Variants in RGS6 observed in about 807,000 individuals in gnomAD.
The protein encoded by RGS6 is regulator of G-protein signaling 6.
RGS6 carries 30 observed loss-of-function variants against 78.5 expected under a neutral mutation model. The ratio of observed to expected loss-of-function variants is 0.38; its 90% CI spans 0.29 to 0.52. The LOEUF (loss-of-function observed/expected upper bound fraction) is 0.52. RGS6 is among the 20% of genes least tolerant of loss of function. The pLI, the probability that RGS6 is intolerant of heterozygous loss-of-function variation, is 0.85. For missense variants in RGS6, 495 were observed against 609.7 expected (o/e 0.81, Z 1.98); for synonymous variants, 206 against 206.0 (o/e 1.00, Z 0.00).
chr14:71,870,664 C>T, the RGS6 span, among the ~76,000 whole-genome samples: 16 of 152,214 alleles, frequency 1.1e-4, no homozygotes, highest in African/African-American at 3.6e-4. Flanking sequence ...TGGTGCTCAA[C>T]TACTGTCACT....
rs147778900 is a variant in RGS6, at chr14:72,518,409, G to T, written c.1150G>T (p.Val384Leu). Reference protein sequence around the residue: ...KQPLQDVAKRVEEIWQEFLAP... With the variant: ...KQPLQDVAKRLEEIWQEFLAP... ...ACCCCTACAGGATGTGGCCAAGAGG[G>T]TAGAAGAAATCTGGCAAGAGTTTCT... Residue 384 changes from valine to leucine, a missense_variant, in exon 15 of 18, where the codon GTA (valine) becomes TTA (leucine). Val to Leu is a conservative substitution (Grantham distance 32). Coordinates refer to ENST00000553525, the MANE Select transcript of RGS6 (RefSeq NM_001204424.2). 1.2e-6 allele frequency: 2 copies of T among 1,614,218 alleles called. No homozygotes were observed. Among genetic ancestry groups the T allele is most frequent in the Non-Finnish European group, 1.7e-6 (2 of 1,180,038 alleles).
At chr14:71,942,856 A>G (rs1226720427) in intron 1 of RGS6, among the ~76,000 whole-genome samples, 1 of 149,124 alleles carries the variant, frequency 6.7e-6, no homozygotes, top group Non-Finnish European at 1.5e-5. Flanking sequence ...GGATATGAAC[A>G]AAATAGATCC....
chr14:71,876,288 T>C, the RGS6 span, among the ~76,000 whole-genome samples: 1 of 152,034 alleles, frequency 6.6e-6, no homozygotes, highest in African/African-American at 2.4e-5. Context: ...CTAAGTCTCT[T>C]TGTAGGTCTC....
At chr14:72,217,136 C>T (rs942209291) in intron 2 of RGS6, among the ~76,000 whole-genome samples, 1 of 152,084 alleles carries the variant, frequency 6.6e-6, no homozygotes, top group Non-Finnish European at 1.5e-5. Context: ...TCAAAGTGCC[C>T]CCCAAGAGTT....
the RGS6 span, among the ~76,000 whole-genome samples, chr14:72,600,135 CAG>C: frequency 1.3e-5 from 2 of 152,078 alleles, no homozygotes; most frequent in Admixed American, 6.5e-5. Flanking sequence ...CATACACACA[CAG>C]AGAGAGTCAA....
intron 2 of RGS6, among the ~76,000 whole-genome samples, chr14:72,009,152 C>T (rs919218182): frequency 2.6e-5 from 4 of 152,128 alleles, no homozygotes; most frequent in Non-Finnish European, 5.9e-5. Flanking sequence ...GCTGGGAGTT[C>T]AAGAACAACC....
intron 17 of RGS6, among the ~76,000 whole-genome samples, chr14:72,543,667 C>G (rs143221116): frequency 6.6e-6 from 1 of 152,192 alleles, no homozygotes; most frequent in Non-Finnish European, 1.5e-5. Context: ...GCCTGCCACT[C>G]TCTGCTATCT....
intron 3 of RGS6, among the ~76,000 whole-genome samples, chr14:72,396,823 T>C (rs1272952797): frequency 1.3e-5 from 2 of 152,250 alleles, no homozygotes; most frequent in Non-Finnish European, 2.9e-5. Context: ...ATTTCTTCTT[T>C]TTGTCAGGTT....
At chr14:72,286,264 C>G (rs2062530277) in intron 2 of RGS6, among the ~76,000 whole-genome samples, 1 of 152,152 alleles carries the variant, frequency 6.6e-6, no homozygotes, top group Non-Finnish European at 1.5e-5. Context: ...TATCAAGGGA[C>G]TAACCTTTCT....
intron 2 of RGS6, among the ~76,000 whole-genome samples, chr14:72,041,916 G>T (rs1383691491): frequency 2.6e-5 from 4 of 151,970 alleles, no homozygotes; most frequent in Non-Finnish European, 5.9e-5. Flanking sequence ...GTATTGGGGG[G>T]TCAGTAGATA....
At chr14:72,145,512 T>C (rs1045358352) in intron 2 of RGS6, among the ~76,000 whole-genome samples, 1 of 152,190 alleles carries the variant, frequency 6.6e-6, no homozygotes, top group Non-Finnish European at 1.5e-5. Context: ...GGAGCCTCAC[T>C]CTGTTGCCCA....
At chr14:71,925,712 C>CATATTATATT in the RGS6 span, among the ~76,000 whole-genome samples, 256 of 96,290 alleles carry the variant, frequency 2.7e-3, no homozygotes, top group Middle Eastern at 0.02. Flanking sequence ...TAGATGACTT[C>CATATTATATT]ATATTATATT....
chr14:72,337,491 CCT>C (rs151042839), intron 2 of RGS6, among the ~76,000 whole-genome samples: 1,575 of 152,056 alleles, frequency 0.01, 22 homozygotes, highest in African/African-American at 0.036. Flanking sequence ...ACAACCTTGC[CCT>C]CTCTCATTTC....
chr14:72,293,411 G>T (rs1168259614), intron 2 of RGS6, among the ~76,000 whole-genome samples: 1 of 152,044 alleles, frequency 6.6e-6, no homozygotes, highest in Non-Finnish European at 1.5e-5. Context: ...ATTGTGATGG[G>T]GTGAGGTTTT....
At chr14:72,192,308 T>C (rs1397344981) in intron 2 of RGS6, among the ~76,000 whole-genome samples, 1 of 152,212 alleles carries the variant, frequency 6.6e-6, no homozygotes, top group Non-Finnish European at 1.5e-5. Flanking sequence ...TATATCGTTA[T>C]CTCTGTTTAT....
At chr14:72,606,256 T>C in the RGS6 span, among the ~76,000 whole-genome samples, 2 of 152,122 alleles carry the variant, frequency 1.3e-5, no homozygotes, top group Non-Finnish European at 2.9e-5. Context: ...CATGATCTTT[T>C]GGTGCATGTA....
chr14:71,984,289 G>A (rs773597252), intron 2 of RGS6, among the ~76,000 whole-genome samples: 39 of 104,618 alleles, frequency 3.7e-4, no homozygotes, highest in Non-Finnish European at 5.8e-4. Flanking sequence ...GGAAGAAACT[G>A]AATTATGTTA....
chr14:72,544,345 C>G (rs1297529504), intron 17 of RGS6, among the ~76,000 whole-genome samples: 2 of 152,130 alleles, frequency 1.3e-5, no homozygotes, highest in Non-Finnish European at 2.9e-5. Flanking sequence ...AATGGCAGCC[C>G]CGAGTGAGGC....
chr14:72,326,993 C>T (rs996670925), intron 2 of RGS6, among the ~76,000 whole-genome samples: 8 of 152,164 alleles, frequency 5.3e-5, no homozygotes, highest in East Asian at 1.9e-4. Context: ...AGGTGTGAGC[C>T]GTTGCGCCCG....
Sources: gnomAD v4.1 joint callset for allele counts (sites outside exome capture counted in the v4.1 genomes callset) on GRCh38, gnomAD v4.1.1 for gene constraint, MANE v1.5 for transcripts, NCBI Gene and HGNC (gene_info 2026-07-23, HGNC 2026-07-21) for gene names.